The following MIA2 variants were observed in gnomAD, a reference collection of about 807,000 sequenced individuals.
MIA2 encodes MIA SH3 domain ER export factor 2, also known as melanoma inhibitory activity protein 2.
MIA2 carries 127 observed loss-of-function variants against 167.8 expected under a neutral mutation model. The observed-to-expected ratio is 0.76, with a 90% CI of 0.66 to 0.88. The LOEUF is 0.88. Ranked by LOEUF, MIA2 falls within the 40% of genes least tolerant of loss-of-function variation. The pLI is 0.00. For synonymous variants in MIA2, 552 were observed against 541.9 expected, an observed-to-expected ratio of 1.02 and a Z score of -0.26; for missense variants, 1,690 against 1,624.7, an observed-to-expected ratio of 1.04 and a Z score of -0.69.
At chr14:39,337,354 T>C (rs1317291222) in intron 25 of MIA2, among the ~76,000 whole-genome samples, 3 of 152,122 alleles carry the variant, frequency 2.0e-5, no homozygotes, top group Non-Finnish European at 4.4e-5. Flanking sequence ...TCAACACCCC[T>C]CTCTCGGCAA....
intron 23 of MIA2, among the ~76,000 whole-genome samples, chr14:39,385,036 A>G (rs1307146172): frequency 6.6e-6 from 1 of 152,252 alleles, no homozygotes; most frequent in Non-Finnish European, 1.5e-5. Flanking sequence ...TCTAAATGTT[A>G]CTTAAAACTT....
chr14:39,307,268 C>CT (rs2063491200), intron 17 of MIA2, among the ~76,000 whole-genome samples: 1 of 151,690 alleles, frequency 6.6e-6, no homozygotes, highest in Admixed American at 6.6e-5. Flanking sequence ...CTTTAAAACT[C>CT]TTATCTCCAA....
At chr14:39,297,697 GTT>G (rs2061628145) in intron 13 of MIA2, among the ~76,000 whole-genome samples, 1 of 151,424 alleles carries the variant, frequency 6.6e-6, no homozygotes, top group Non-Finnish European at 1.5e-5. Context: ...GTGTGTGTGT[GTT>G]TGTGTGTGTG....
intron 25 of MIA2, among the ~76,000 whole-genome samples, chr14:39,335,997 A>G (rs985273650): frequency 3.3e-5 from 5 of 152,208 alleles, no homozygotes; most frequent in Admixed American, 1.3e-4. Context: ...TTCTTTATCC[A>G]GTCCACCGTT....
At chr14:39,350,859 A>G (rs1836287978), downstream of MIA2, 1 of 152,190 alleles carries the variant, frequency 6.6e-6, no homozygotes, top group African/African-American at 2.4e-5. Context: ...TTAAAAGTCA[A>G]AATTGATTAT....
chr14:39,323,143 T>A (rs1419178646), intron 24 of MIA2, among the ~76,000 whole-genome samples: 1 of 152,248 alleles, frequency 6.6e-6, no homozygotes, highest in Non-Finnish European at 1.5e-5. Flanking sequence ...TACTACTGTA[T>A]GGTCATGAGA....
chr14:39,336,462 T>C (rs1038483632), intron 25 of MIA2, among the ~76,000 whole-genome samples: 1 of 152,228 alleles, frequency 6.6e-6, no homozygotes, highest in Non-Finnish European at 1.5e-5. Flanking sequence ...TTTAAAACTT[T>C]TAAGTTTTCT....
At chr14:39,306,405 G>T (rs538126016) in intron 17 of MIA2, among the ~76,000 whole-genome samples, 1 of 152,240 alleles carries the variant, frequency 6.6e-6, no homozygotes, top group East Asian at 1.9e-4. Context: ...TTCCTTACAT[G>T]GTGGGAGCAG....
chr14:39,267,565 G>A, intron 6 of MIA2: 1 of 1,604,714 alleles, frequency 6.2e-7, no homozygotes, highest in South Asian at 1.1e-5. Context: ...CAGGGGTCGC[G>A]GGAGCCGCCG....
At chr14:39,359,154 A>T (rs1272139085) in intron 23 of MIA2, among the ~76,000 whole-genome samples, 1 of 152,178 alleles carries the variant, frequency 6.6e-6, no homozygotes, top group Non-Finnish European at 1.5e-5. Flanking sequence ...CCAGAGGTGG[A>T]GTCTACAGAG....
chr14:39,328,416 G>T (rs1301711651), intron 25 of MIA2, among the ~76,000 whole-genome samples: 1 of 152,132 alleles, frequency 6.6e-6, no homozygotes, highest in Non-Finnish European at 1.5e-5. Flanking sequence ...TCTGTAGGTT[G>T]CCTGTTCACT....
At chr14:39,381,024 A>AC (rs199811562) in intron 23 of MIA2, among the ~76,000 whole-genome samples, 1,914 of 146,764 alleles carry the variant, frequency 0.013, 37 homozygotes, top group African/African-American at 0.043. Context: ...AAAAAAAACA[A>AC]AAAAAAAAAA....
intron 23 of MIA2, among the ~76,000 whole-genome samples, chr14:39,360,198 A>C (rs528927955): frequency 1.9e-4 from 29 of 152,036 alleles, no homozygotes; most frequent in African/African-American, 7.0e-4. Context: ...GCTACTTGGG[A>C]GGCTGAGGGA....
chr14:39,386,997 C>T (rs1268459298), exon 24 of MIA2: 12 of 754,650 alleles, frequency 1.6e-5, no homozygotes, highest in Admixed American at 1.2e-4. Context: ...TGTGACGACT[C>T]GTATCTGTTC....
intron 1 of MIA2, among the ~76,000 whole-genome samples, chr14:39,235,822 A>G (rs980785110): frequency 1.3e-5 from 2 of 152,118 alleles, no homozygotes; most frequent in Non-Finnish European, 2.9e-5. Flanking sequence ...TTCCCTCTTT[A>G]TATTACAACT....
At chr14:39,346,146 T>C in intron 26 of MIA2, 120 bp downstream of exon 26, 2 of 764,804 alleles carry the variant, frequency 2.6e-6, no homozygotes, top group South Asian at 3.6e-5. Flanking sequence ...CAAAATCTCT[T>C]TCCTGAAAAT....
In MIA2 at chr14:39,233,957, G is replaced by A. The variant is rs1566577175; in HGVS notation, c.-158G>A. The A allele has an allele frequency of 2.0e-6, 1 of 490,410 alleles. No homozygotes were observed. The highest frequency in any genetic ancestry group is 3.6e-6 in the Non-Finnish European group (1 of 276,736). The allele number at this position is 490,410 out of a possible 1,614,324, so 30.4% of individuals were successfully genotyped here. A position where few individuals can be genotyped will look rare whatever the true frequency, so the allele number is the denominator to read the frequency against. On this transcript the variant is annotated 5_prime_UTR_variant, in exon 1 of 29. Transcript: ENST00000640607. Reference sequence around the variant, plus strand: ...GTCTCTCAAGTTAAACCAACAAGCCGATAGAAAAAGGTAGTTATCAAGAGA... The same window carrying A: ...GTCTCTCAAGTTAAACCAACAAGCCAATAGAAAAAGGTAGTTATCAAGAGA...
At chr14:39,311,949 A>G (rs1462406118) in intron 18 of MIA2, among the ~76,000 whole-genome samples, 71 of 141,290 alleles carry the variant, frequency 5.0e-4, no homozygotes, top group East Asian at 1.5e-3. Context: ...CCTGCCTCAG[A>G]CTCCCGAGTA....
rs962897439 is a variant in MIA2 at position 39,342,473 on chromosome 14, T to C, written c.3656-3431T>C. On this transcript the variant is annotated intron_variant, in intron 25 of 28. Transcript: ENST00000640607. ...TGTGAATAGTGCCTCAATAAACATATGTGTGCATGTGTCTTTATAGCAGCA... is the reference window on the plus strand; with the variant it reads ...TGTGAATAGTGCCTCAATAAACATACGTGTGCATGTGTCTTTATAGCAGCA... 5.9e-5 allele frequency among the ~76,000 whole-genome samples: 9 copies of C among 152,254 alleles called. 1 individual carries two copies. The highest frequency in any genetic ancestry group is 1.3e-4 in the Admixed American group (2 of 15,272).
Sources: gnomAD v4.1 joint callset for allele counts (sites outside exome capture counted in the v4.1 genomes callset) on GRCh38, gnomAD v4.1.1 for gene constraint, MANE v1.5 for transcripts, NCBI Gene and HGNC (gene_info 2026-07-23, HGNC 2026-07-21) for gene names.